The following ZNF385D variants were observed in gnomAD, a reference collection of about 807,000 sequenced individuals.
The protein encoded by ZNF385D is zinc finger protein 659.
ZNF385D carries 15 observed loss-of-function variants against 35.8 expected under a neutral mutation model. The observed-to-expected ratio is 0.42, with a 90% CI of 0.28 to 0.64. ZNF385D has a LOEUF of 0.64. Ranked by LOEUF, ZNF385D falls within the 30% of genes least tolerant of loss-of-function variation. The pLI is 0.23. For synonymous variants in ZNF385D, 212 were observed against 186.8 expected (o/e 1.13, Z -1.10); for missense variants, 474 against 494.6 (o/e 0.96, Z 0.39).
At position 21,651,416 on chromosome 3, in the gene ZNF385D, A is replaced by G. The variant is rs576215692; in HGVS notation, c.165+13470T>C. On this transcript the variant is annotated intron_variant, in intron 2 of 7. Coordinates refer to ENST00000281523, the MANE Select transcript of ZNF385D (RefSeq NM_024697.3). The stretch of plus-strand genomic sequence containing the variant: ...TTTTCATTCAGCTAAAATGGAACAT[A>G]TTCATCAGATCTACCATATAGTATG... Among the ~76,000 whole-genome samples, 6 of 151,974 alleles carry G rather than the reference A, an allele frequency of 3.9e-5. No individual in the cohort carries two copies. In the South Asian group the frequency reaches 1.2e-3, roughly 32 times the overall value.
At chr3:21,900,652 C>A (rs1348245664) in intron 3 of ZNF385D, among the ~76,000 whole-genome samples, 1 of 151,650 alleles carries the variant, frequency 6.6e-6, no homozygotes, top group Non-Finnish European at 1.5e-5. Flanking sequence ...GGACTTAAAC[C>A]AAGAAGTTAA....
chr3:21,917,922 A>G (rs1173982767), intron 3 of ZNF385D, among the ~76,000 whole-genome samples: 2 of 152,216 alleles, frequency 1.3e-5, no homozygotes, highest in Admixed American at 6.5e-5. Context: ...AACTTAAAGT[A>G]TACTTCGTAA....
At chr3:22,135,619 A>C (rs905364987) in intron 3 of ZNF385D, among the ~76,000 whole-genome samples, 5 of 152,228 alleles carry the variant, frequency 3.3e-5, no homozygotes, top group African/African-American at 4.8e-5. Context: ...TAGATTTAAT[A>C]AGCTGACTCT....
intron 4 of ZNF385D, among the ~76,000 whole-genome samples, chr3:21,466,314 C>T (rs1479583465): frequency 6.6e-6 from 1 of 152,166 alleles, no homozygotes; most frequent in Non-Finnish European, 1.5e-5. Context: ...CTCCTTCATA[C>T]ATCCACTTTG....
chr3:21,651,597 TA>T (rs2065916255), intron 2 of ZNF385D, among the ~76,000 whole-genome samples: 1 of 151,898 alleles, frequency 6.6e-6, no homozygotes, highest in Admixed American at 6.6e-5. Context: ...TGAAAACTAT[TA>T]GAATAATGCC....
chr3:22,008,360 C>CCTTTTTTTTTTTT (rs773952386), intron 3 of ZNF385D, among the ~76,000 whole-genome samples: 1 of 131,938 alleles, frequency 7.6e-6, no homozygotes, highest in Non-Finnish European at 1.6e-5. Flanking sequence ...CCATGATTTT[C>CCTTTTTTTTTTTT]TTTTTTTTTT....
intron 3 of ZNF385D, among the ~76,000 whole-genome samples, chr3:21,994,233 C>T (rs1377747894): frequency 1.3e-5 from 2 of 152,184 alleles, no homozygotes; most frequent in African/African-American, 2.4e-5. Context: ...GATCTACATA[C>T]TGTTTTTACT....
At chr3:21,831,655 A>T (rs1694995710) in intron 3 of ZNF385D, among the ~76,000 whole-genome samples, 1 of 152,168 alleles carries the variant, frequency 6.6e-6, no homozygotes. Flanking sequence ...AGCATAGATA[A>T]TTGGAACCCT....
chr3:22,040,536 A>C (rs896091534), intron 3 of ZNF385D, among the ~76,000 whole-genome samples: 2 of 152,216 alleles, frequency 1.3e-5, no homozygotes, highest in African/African-American at 4.8e-5. Context: ...AAATTTCAGA[A>C]ACTACACATT....
intron 3 of ZNF385D, among the ~76,000 whole-genome samples, chr3:21,978,676 T>C (rs1229110819): frequency 6.6e-6 from 1 of 152,216 alleles, no homozygotes; most frequent in Non-Finnish European, 1.5e-5. Flanking sequence ...ATTTCTATTA[T>C]GTCTATGTCT....
intron 4 of ZNF385D, among the ~76,000 whole-genome samples, chr3:21,442,600 C>T (rs1701916774): frequency 6.6e-6 from 1 of 151,930 alleles, no homozygotes; most frequent in Non-Finnish European, 1.5e-5. Context: ...GCCCATACCA[C>T]ACTCTTAGAC....
chr3:22,164,189 C>T (rs572514844), intron 3 of ZNF385D, among the ~76,000 whole-genome samples: 4 of 143,578 alleles, frequency 2.8e-5, no homozygotes, highest in South Asian at 4.7e-4. Context: ...CTCCTTTTTA[C>T]ACACTATAGG....
At chr3:22,041,566 G>A (rs1295237945) in intron 3 of ZNF385D, among the ~76,000 whole-genome samples, 1 of 152,108 alleles carries the variant, frequency 6.6e-6, no homozygotes, top group Non-Finnish European at 1.5e-5. Context: ...ATCTCTTGGG[G>A]TTTTTGATGC....
intron 2 of ZNF385D, among the ~76,000 whole-genome samples, chr3:22,342,411 GCTAATTATTTA>G (rs1289698526): frequency 2.0e-5 from 3 of 151,382 alleles, no homozygotes; most frequent in Admixed American, 6.6e-5. Flanking sequence ...ATCAAGTTCT[GCTAATTATTTA>G]CTTGTAAATT....
chr3:21,758,187 T>C (rs1367071922), intron 3 of ZNF385D, among the ~76,000 whole-genome samples: 2 of 152,202 alleles, frequency 1.3e-5, no homozygotes, highest in South Asian at 2.1e-4. Context: ...GGCATTTCCG[T>C]GATCTGTTAA....
chr3:22,315,421 TG>T (rs1455750327), intron 2 of ZNF385D, among the ~76,000 whole-genome samples: 1 of 152,180 alleles, frequency 6.6e-6, no homozygotes, highest in Admixed American at 6.5e-5. Flanking sequence ...TTTTCAACCT[TG>T]GAAGAGGATG....
chr3:22,218,101 A>T (rs1698008329), intron 2 of ZNF385D, among the ~76,000 whole-genome samples: 1 of 152,082 alleles, frequency 6.6e-6, no homozygotes, highest in Non-Finnish European at 1.5e-5. Flanking sequence ...ACTTCATATA[A>T]ATCATTCAAC....
At chr3:22,310,768 T>C (rs769186730) in intron 2 of ZNF385D, among the ~76,000 whole-genome samples, 3 of 151,916 alleles carry the variant, frequency 2.0e-5, no homozygotes, top group Non-Finnish European at 4.4e-5. Flanking sequence ...ACTTTTATGA[T>C]TGATAAGCTT....
chr3:21,765,193 A>C (rs1452250158), intron 3 of ZNF385D, among the ~76,000 whole-genome samples: 1 of 151,642 alleles, frequency 6.6e-6, no homozygotes, highest in East Asian at 1.9e-4. Flanking sequence ...ATCTCCTCAT[A>C]CACATAAAAT....
Sources: allele counts gnomAD v4.1 joint callset (sites outside exome capture counted in the v4.1 genomes callset), GRCh38; gene constraint gnomAD v4.1.1; transcripts MANE v1.5; gene names NCBI Gene and HGNC (gene_info 2026-07-23, HGNC 2026-07-21).